PYY: variants seen among roughly 807,000 people sequenced by gnomAD.
PYY encodes peptide tyrosine tyrosine.
Under a neutral mutation model 10.3 loss-of-function variants are expected in PYY, and 12 were observed. That is an observed-to-expected ratio of 1.17 (90% CI 0.75 to 1.89). The LOEUF (loss-of-function observed/expected upper bound fraction) is 1.89. Ranked by LOEUF, PYY falls within the 40% of genes most tolerant of loss-of-function variation. The pLI, the probability that PYY is intolerant of heterozygous loss-of-function variation, is 0.00. For missense variants in PYY, 141 were observed against 134.0 expected, an observed-to-expected ratio of 1.05 and a Z score of -0.26; for synonymous variants, 66 against 62.0, an observed-to-expected ratio of 1.06 and a Z score of -0.30.
At chr17:43,966,873 G>T (rs940156991) in intron 1 of PYY, among the ~76,000 whole-genome samples, 1 of 152,162 alleles carries the variant, frequency 6.6e-6, no homozygotes, top group Non-Finnish European at 1.5e-5. Flanking sequence ...CATCCTCACT[G>T]TCCATGGCTG....
chr17:43,975,725 A>AATAT (rs745420304), intron 1 of PYY, among the ~76,000 whole-genome samples: 2 of 83,772 alleles, frequency 2.4e-5, no homozygotes, highest in Non-Finnish European at 4.0e-5. Context: ...GAAAAAAAAA[A>AATAT]ATATATATAT....
chr17:43,997,990 G>A (rs1452179759), intron 1 of PYY, among the ~76,000 whole-genome samples: 1 of 152,068 alleles, frequency 6.6e-6, no homozygotes, highest in Non-Finnish European at 1.5e-5. Context: ...CCAGGCTGGA[G>A]TGCAGTGGCA....
chr17:43,963,596 AAG>A (rs550612497), intron 2 of PYY, among the ~76,000 whole-genome samples: 3 of 84,402 alleles, frequency 3.6e-5, no homozygotes, highest in Admixed American at 1.2e-4. Flanking sequence ...GAAAGAAAGA[AAG>A]AAAGAAAGAA....
Position 43,953,183 on chromosome 17 carries a change from C to A in PYY, c.195G>T (p.Gly65=), listed in dbSNP as rs751864063. 2 of 1,613,664 alleles carry A rather than the reference C, an allele frequency of 1.2e-6. No homozygotes were observed. The highest frequency in any genetic ancestry group is 2.2e-5 in the South Asian group (2 of 91,068). The change falls in exon 3 of 4, where the codon GGG becomes GGT. Residue 65 remains glycine, a synonymous_variant. Transcript: ENST00000692052. ...YLNLVTRQRY[G]KRDGPDTLLS... Reference sequence around the variant, plus strand: ...GAAGCGTGTCCGGGCCGTCTCTTTTCCCATACCTGGGGGCGGGGAAGGGAA... The same window carrying A: ...GAAGCGTGTCCGGGCCGTCTCTTTTACCATACCTGGGGGCGGGGAAGGGAA...
intron 1 of PYY, among the ~76,000 whole-genome samples, chr17:43,976,402 T>TACAC (rs1555618297): frequency 0.018 from 936 of 50,916 alleles, 15 homozygotes; most frequent in African/African-American, 0.098. Context: ...TATACGTATA[T>TACAC]ACATATTCAT....
chr17:43,988,535 C>A (rs2048929655), intron 1 of PYY, among the ~76,000 whole-genome samples: 1 of 152,142 alleles, frequency 6.6e-6, no homozygotes, highest in African/African-American at 2.4e-5. Context: ...CCTGAGCACT[C>A]CAGGGCACTC....
At chr17:43,986,460 C>T (rs2048916698) in intron 1 of PYY, among the ~76,000 whole-genome samples, 1 of 151,944 alleles carries the variant, frequency 6.6e-6, no homozygotes, top group South Asian at 2.1e-4. Flanking sequence ...ATGTGGCTTC[C>T]TGTGCACCCC....
At chr17:43,989,238 G>T (rs1164803178) in intron 1 of PYY, among the ~76,000 whole-genome samples, 1 of 151,990 alleles carries the variant, frequency 6.6e-6, no homozygotes, top group African/African-American at 2.4e-5. Flanking sequence ...GCCGGGCGTG[G>T]TGGCGGGCGC....
intron 1 of PYY, among the ~76,000 whole-genome samples, chr17:43,994,278 A>G (rs1269066193): frequency 6.6e-6 from 1 of 151,984 alleles, no homozygotes; most frequent in African/African-American, 2.4e-5. Flanking sequence ...CAAGTGCTCA[A>G]CACAAATCAA....
chr17:43,967,868 A>C (rs2048765084), intron 1 of PYY, among the ~76,000 whole-genome samples: 1 of 152,148 alleles, frequency 6.6e-6, no homozygotes, highest in African/African-American at 2.4e-5. Context: ...CCAAATCCAG[A>C]ATGGGCACTG....
chr17:43,998,846 T>C (rs1161740750), intron 1 of PYY, among the ~76,000 whole-genome samples: 1 of 152,172 alleles, frequency 6.6e-6, no homozygotes, highest in Admixed American at 6.5e-5. Context: ...CGCTCTGATT[T>C]AGATGCCTGG....
chr17:43,990,073 A>G (rs1159796160), intron 1 of PYY, among the ~76,000 whole-genome samples: 1 of 151,762 alleles, frequency 6.6e-6, no homozygotes, highest in African/African-American at 2.4e-5. Context: ...ACAGATGGCA[A>G]GAATACAGGA....
At chr17:43,968,032 G>T (rs1454354801) in intron 1 of PYY, among the ~76,000 whole-genome samples, 1 of 152,034 alleles carries the variant, frequency 6.6e-6, no homozygotes, top group Non-Finnish European at 1.5e-5. Flanking sequence ...GAGTAGCAGT[G>T]GTGACAGTAG....
chr17:43,973,685 T>G (rs895005726), intron 1 of PYY, among the ~76,000 whole-genome samples: 8 of 151,970 alleles, frequency 5.3e-5, no homozygotes, highest in Admixed American at 3.3e-4. Context: ...ATCCCAGCTG[T>G]TTGGGAGGCT....
At chr17:44,000,467 C>T (rs111620916) in intron 1 of PYY, among the ~76,000 whole-genome samples, 1,819 of 151,910 alleles carry the variant, frequency 0.012, 39 homozygotes, top group African/African-American at 0.04. Flanking sequence ...ATGGCCACAG[C>T]TGGGTGTGTT....
intron 3 of PYY, 28 bp from the exon 4 acceptor site, chr17:43,953,008 A>C (rs778218438): frequency 6.3e-7 from 1 of 1,582,808 alleles, no homozygotes; most frequent in Non-Finnish European, 8.6e-7. Context: ...AAGGAATTGG[A>C]TCTGGGGAGG....
chr17:43,953,444 C>G lies in PYY; in HGVS notation c.40G>C (p.Val14Leu). ...AGGCAGACGAGCAGGGCCAGAAGCA[C>G]TGTGGTCAAGGCGGGCCACGGCCTG... ...VRRPWPALTT[V>L]LLALLVCLGA... is the part of the protein sequence containing the mutation. The change falls in exon 2 of 4, where the codon GTG becomes CTG. Residue 14 changes from valine to leucine, a missense_variant. Physicochemically the swap from Val to Leu is conservative, Grantham distance 32. Coordinates refer to ENST00000692052, the MANE Select transcript of PYY (RefSeq NM_001394028.1). The G allele has an allele frequency of 1.2e-6, 2 of 1,611,820 alleles. No homozygotes were observed. Among genetic ancestry groups the G allele is most frequent in the Non-Finnish European group, 1.7e-6 (2 of 1,178,964 alleles).
chr17:43,958,924 A>G (rs1357503068), upstream of PYY, among the ~76,000 whole-genome samples: 2 of 152,252 alleles, frequency 1.3e-5, no homozygotes, highest in Non-Finnish European at 2.9e-5. Flanking sequence ...AACTACGTTA[A>G]ATGCTTTGGA....
At chr17:44,002,212 C>T (rs2049032808) in intron 1 of PYY, among the ~76,000 whole-genome samples, 1 of 152,178 alleles carries the variant, frequency 6.6e-6, no homozygotes, top group Admixed American at 6.5e-5. Context: ...GACAGTGTGT[C>T]CGAGGGGTGG....
Sources: gnomAD v4.1 joint callset for allele counts (sites outside exome capture counted in the v4.1 genomes callset) on GRCh38, gnomAD v4.1.1 for gene constraint, MANE v1.5 for transcripts, NCBI Gene and HGNC (gene_info 2026-07-23, HGNC 2026-07-21) for gene names.